Variants in TRAPPC8 observed in about 807,000 individuals in gnomAD.
The protein encoded by TRAPPC8 is trafficking protein particle complex subunit 8.
In TRAPPC8, 54 loss-of-function variants were observed where a neutral mutation model predicts 174.3. The ratio of observed to expected loss-of-function variants is 0.31; its 90% CI spans 0.25 to 0.39. The LOEUF is 0.39. TRAPPC8 is among the 10% of genes least tolerant of loss of function. The pLI, the probability that TRAPPC8 is intolerant of heterozygous loss-of-function variation, is 1.00. For missense variants in TRAPPC8, 1,531 were observed against 1,699.1 expected, an observed-to-expected ratio of 0.90 and a Z score of 1.74; for synonymous variants, 630 against 579.9, an observed-to-expected ratio of 1.09 and a Z score of -1.24.
intron 19 of TRAPPC8, among the ~76,000 whole-genome samples, chr18:31,858,448 G>C (rs1036534162): frequency 1.3e-5 from 2 of 152,202 alleles, no homozygotes; most frequent in African/African-American, 2.4e-5. Context: ...GCAGATCTAT[G>C]ATTTCATATC....
rs371767956 is a variant in TRAPPC8, at chr18:31,871,137, A to G, written c.2063-17T>C. 2.7e-6 allele frequency: 4 copies of G among 1,487,586 alleles called. No individual in the cohort carries two copies. Among genetic ancestry groups the G allele is most frequent in the Non-Finnish European group, 3.6e-6 (4 of 1,102,696 alleles). 92.1% of individuals were successfully genotyped at this position (1,487,586 alleles called of 1,614,324 possible). A position where few individuals can be genotyped will look rare whatever the true frequency, so the allele number is the denominator to read the frequency against. On this transcript the variant is annotated splice_polypyrimidine_tract_variant and intron_variant, in intron 14 of 28. Coordinates refer to ENST00000283351, the MANE Select transcript of TRAPPC8 (RefSeq NM_014939.5). ...GTTTTTCACCTAAAAAAAATTTGTT[A>G]ACAACACGTTTATGAAGACTTGCCC... is the stretch of plus-strand genomic sequence containing the variant.
intron 18 of TRAPPC8, among the ~76,000 whole-genome samples, chr18:31,866,372 C>T (rs1172862009): frequency 6.6e-6 from 1 of 151,720 alleles, no homozygotes; most frequent in Non-Finnish European, 1.5e-5. Flanking sequence ...TATAGTGCAC[C>T]AAGAATATCA....
intron 12 of TRAPPC8, among the ~76,000 whole-genome samples, chr18:31,885,421 CT>C (rs1598669973): frequency 6.6e-6 from 1 of 152,132 alleles, no homozygotes; most frequent in East Asian, 1.9e-4. Flanking sequence ...ATCCTATGCC[CT>C]TTGATAAAGG....
At chr18:31,931,288 G>A (rs201712047) in intron 2 of TRAPPC8, 41 bp downstream of exon 2, 48 of 1,460,148 alleles carry the variant, frequency 3.3e-5, no homozygotes, top group South Asian at 2.1e-4. Context: ...CTAACAAAAC[G>A]AAATTTCACT....
At position 31,905,248 on chromosome 18, in the gene TRAPPC8, C is replaced by A. The variant is rs185634789; in HGVS notation, c.1389+2212G>T. ...AGTTCAAATTAAATTTTTATTCATA[C>A]ATAATTTTTCTTAGGCAAGGGAATC... On this transcript the variant is annotated intron_variant, in intron 9 of 28. Coordinates refer to ENST00000283351, the MANE Select transcript of TRAPPC8 (RefSeq NM_014939.5). Among the ~76,000 whole-genome samples, 11 of 152,180 alleles carry A rather than the reference C, an allele frequency of 7.2e-5. No homozygotes were observed. The East Asian group carries it at 2.1e-3, about 29-fold the overall frequency.
chr18:31,849,295 C>T (rs1172819235), intron 25 of TRAPPC8, among the ~76,000 whole-genome samples: 1 of 151,640 alleles, frequency 6.6e-6, no homozygotes, highest in Non-Finnish European at 1.5e-5. Flanking sequence ...TTGGAAATGC[C>T]CCGAACAGTT....
At chr18:31,894,571 A>G (rs2036107396) in intron 11 of TRAPPC8, among the ~76,000 whole-genome samples, 1 of 152,192 alleles carries the variant, frequency 6.6e-6, no homozygotes, top group Non-Finnish European at 1.5e-5. Flanking sequence ...AAAGATAACA[A>G]TAACTTAAAA....
chr18:31,875,480 C>T (rs2035098224), intron 12 of TRAPPC8, among the ~76,000 whole-genome samples: 1 of 152,204 alleles, frequency 6.6e-6, no homozygotes, highest in South Asian at 2.1e-4. Context: ...AAGGTTATGC[C>T]TCACACGGTT....
chr18:31,930,681 C>T (rs921073756), intron 2 of TRAPPC8, among the ~76,000 whole-genome samples: 1 of 152,084 alleles, frequency 6.6e-6, no homozygotes, highest in Non-Finnish European at 1.5e-5. Context: ...CACCTGTAAT[C>T]CCAGCACTTG....
At chr18:31,882,288 AT>A (rs1476265072) in intron 12 of TRAPPC8, among the ~76,000 whole-genome samples, 1 of 152,250 alleles carries the variant, frequency 6.6e-6, no homozygotes, top group Non-Finnish European at 1.5e-5. Flanking sequence ...AAAGAATGGT[AT>A]CATATCCTTT....
At chr18:31,903,092 T>C (rs1183864684) in intron 9 of TRAPPC8, among the ~76,000 whole-genome samples, 1 of 138,244 alleles carries the variant, frequency 7.2e-6, no homozygotes, top group Non-Finnish European at 1.5e-5. Flanking sequence ...TCCAGTGTCC[T>C]GCTTTTTGAT....
intron 12 of TRAPPC8, among the ~76,000 whole-genome samples, chr18:31,880,059 T>A (rs1367946534): frequency 7.7e-6 from 1 of 129,272 alleles, no homozygotes; most frequent in Non-Finnish European, 1.6e-5. Flanking sequence ...GAAGAGCTGG[T>A]ACCAATTTTA....
chr18:31,900,006 G>A (rs2036348143), intron 10 of TRAPPC8, among the ~76,000 whole-genome samples: 1 of 151,896 alleles, frequency 6.6e-6, no homozygotes, highest in South Asian at 2.1e-4. Flanking sequence ...GGGAGGCCGA[G>A]GTGGGTGGAT....
chr18:31,879,233 C>T (rs1475250207), intron 12 of TRAPPC8, among the ~76,000 whole-genome samples: 1 of 152,102 alleles, frequency 6.6e-6, no homozygotes, highest in South Asian at 2.1e-4. Flanking sequence ...GGTCACAAAG[C>T]AAGTCTCAAA....
In TRAPPC8 at chr18:31,931,412, T is replaced by C. The variant is rs777963051; in HGVS notation, c.269A>G (p.Asn90Ser). The C allele has an allele frequency of 6.8e-6, 11 of 1,613,008 alleles. No individual in the cohort carries two copies. In the South Asian group the frequency reaches 1.2e-4, roughly 18 times the overall value. Residue 90 changes from asparagine to serine, a missense_variant, in exon 2 of 29, where the codon AAT becomes AGT. Asn to Ser is a conservative substitution (Grantham distance 46, BLOSUM62 1). Transcript: ENST00000283351. ...PQPGAIRKLL[N>S]DVVSGSQPAE... ...AGGCTGACTGCCAGAAACAACATCATTCAAAAGCTTCCGGATGGCTCCAGG... is the reference window on the plus strand; with the variant it reads ...AGGCTGACTGCCAGAAACAACATCACTCAAAAGCTTCCGGATGGCTCCAGG...
At chr18:31,914,672 T>C (rs1219943215) in intron 4 of TRAPPC8, among the ~76,000 whole-genome samples, 1 of 152,212 alleles carries the variant, frequency 6.6e-6, no homozygotes, top group Non-Finnish European at 1.5e-5. Flanking sequence ...GTAATGATTA[T>C]TAAACTACAT....
intron 9 of TRAPPC8, among the ~76,000 whole-genome samples, chr18:31,903,662 T>C (rs902225884): frequency 3.3e-5 from 5 of 152,220 alleles, no homozygotes; most frequent in Non-Finnish European, 5.9e-5. Context: ...CACTATCTTA[T>C]AGACAGTGCA....
intron 27 of TRAPPC8, among the ~76,000 whole-genome samples, chr18:31,835,134 A>G (rs979414281): frequency 1.5e-4 from 23 of 152,190 alleles, no homozygotes; most frequent in African/African-American, 5.5e-4. Flanking sequence ...CAGTGACAGT[A>G]ACTCAGTACA....
chr18:31,918,328 A>G (rs575228970), intron 2 of TRAPPC8, among the ~76,000 whole-genome samples: 1 of 152,286 alleles, frequency 6.6e-6, no homozygotes, highest in South Asian at 2.1e-4. Context: ...ATGAGTAAAA[A>G]GATTATTTCT....
Sources: allele counts gnomAD v4.1 joint callset (sites outside exome capture counted in the v4.1 genomes callset), GRCh38; gene constraint gnomAD v4.1.1; transcripts MANE v1.5; gene names NCBI Gene and HGNC (gene_info 2026-07-23, HGNC 2026-07-21).